NPR3: variants seen among roughly 807,000 people sequenced by gnomAD.
NPR3 encodes natriuretic peptide receptor 3.
A neutral mutation model predicts 54.5 loss-of-function variants in NPR3; 34 were observed. The ratio of observed to expected loss-of-function variants is 0.62; its 90% CI spans 0.47 to 0.83. The LOEUF (loss-of-function observed/expected upper bound fraction) is 0.83. Among genes scored for constraint, NPR3 ranks in the 40% least tolerant of loss-of-function variants. The pLI is 0.00. For synonymous variants in NPR3, 289 were observed against 297.1 expected, an observed-to-expected ratio of 0.97 and a Z score of 0.28; for missense variants, 674 against 720.8, an observed-to-expected ratio of 0.94 and a Z score of 0.74.
intron 1 of NPR3, among the ~76,000 whole-genome samples, chr5:32,714,330 C>G (rs956951409): frequency 1.3e-5 from 2 of 151,708 alleles, no homozygotes; most frequent in African/African-American, 4.8e-5. Context: ...CAGATCGCGG[C>G]CCCGGGGCCC....
chr5:32,769,547 T>G (rs1741644279), intron 3 of NPR3, among the ~76,000 whole-genome samples: 1 of 152,180 alleles, frequency 6.6e-6, no homozygotes, highest in Non-Finnish European at 1.5e-5. Context: ...AGGCATGTCT[T>G]TTGCAAGAGA....
intron 1 of NPR3, among the ~76,000 whole-genome samples, chr5:32,713,944 C>A (rs1057123238): frequency 2.0e-5 from 3 of 152,176 alleles, no homozygotes; most frequent in Non-Finnish European, 4.4e-5. Flanking sequence ...CAGGCTTTGC[C>A]GATTATGAAA....
At chr5:32,717,217 G>A (rs1187379395) in intron 1 of NPR3, among the ~76,000 whole-genome samples, 1 of 152,150 alleles carries the variant, frequency 6.6e-6, no homozygotes, top group Non-Finnish European at 1.5e-5. Context: ...ATTCCATGAT[G>A]TATATGTGCC....
chr5:32,723,248 C>G (rs533919694), intron 1 of NPR3, among the ~76,000 whole-genome samples: 1 of 152,144 alleles, frequency 6.6e-6, no homozygotes, highest in East Asian at 1.9e-4. Context: ...ACAGTGGTAC[C>G]GGTCATGGAG....
rs755644950 is a variant in NPR3 at position 32,724,794 on chromosome 5, T to C, written c.866T>C (p.Ile289Thr). 9 of 1,613,846 alleles carry C rather than the reference T, an allele frequency of 5.6e-6. No individual in the cohort carries two copies. In the East Asian group the frequency reaches 8.9e-5, roughly 16 times the overall value. ...MTSGDYAFFN[I>T]ELFNSSSYGD... ...AGTGGAGACTACGCCTTCTTCAACA[T>C]TGAGCTCTTCAACAGCTCTTCCTAT... is the stretch of plus-strand genomic sequence containing the variant. Residue 289 changes from isoleucine (I) to threonine (T), a missense_variant, in exon 2 of 8, where the codon ATT (isoleucine) becomes ACT (threonine). Transcript: ENST00000265074.
At chr5:32,765,316 C>A (rs940468940) in intron 3 of NPR3, among the ~76,000 whole-genome samples, 3 of 152,192 alleles carry the variant, frequency 2.0e-5, no homozygotes, top group African/African-American at 7.2e-5. Flanking sequence ...CAATTAATTT[C>A]ATCACAGGGG....
rs1379461957 is a variant in NPR3 at position 32,774,724 on chromosome 5, A to G, written c.1076A>G (p.Glu359Gly). 2.5e-6 allele frequency: 4 copies of G among 1,611,744 alleles called. No individual in the cohort carries two copies. The highest frequency in any genetic ancestry group is 3.4e-6 in the Non-Finnish European group (4 of 1,177,828). ...NMEDYVNMFV[E>G]GFHDAILLYV... ...TCTTTTCAGGTTAACATGTTTGTTG[A>G]AGGATTCCACGATGCCATCCTCCTC... The change falls in exon 4 of 8, where the codon GAA (glutamate) becomes GGA (glycine). Residue 359 changes from glutamate (E) to glycine (G), a missense_variant. Transcript: ENST00000265074.
chr5:32,731,057 T>C (rs188546314), intron 2 of NPR3, among the ~76,000 whole-genome samples: 17 of 152,358 alleles, frequency 1.1e-4, no homozygotes, highest in Admixed American at 1.1e-3. Context: ...AGATTGAGTT[T>C]ATGTATTTTG....
intron 2 of NPR3, among the ~76,000 whole-genome samples, chr5:32,737,145 G>C (rs1359818454): frequency 6.6e-6 from 1 of 152,146 alleles, no homozygotes; most frequent in Non-Finnish European, 1.5e-5. Context: ...TGTTCACACA[G>C]TTAGGACCTT....
chr5:32,754,733 A>G (rs1023192898), intron 3 of NPR3, among the ~76,000 whole-genome samples: 1 of 152,242 alleles, frequency 6.6e-6, no homozygotes, highest in East Asian at 1.9e-4. Context: ...ATAATAAACA[A>G]TATGACTATT....
chr5:32,711,249 C>T (rs1400041288), upstream of NPR3: 11 of 912,274 alleles, frequency 1.2e-5, no homozygotes, highest in South Asian at 4.1e-4. Context: ...AGCCCGGCCT[C>T]GGCGCGCCAT....
intron 1 of NPR3, among the ~76,000 whole-genome samples, chr5:32,714,952 G>C (rs1392973804): frequency 6.6e-6 from 1 of 152,184 alleles, no homozygotes; most frequent in East Asian, 1.9e-4. Context: ...GAGCACCCAC[G>C]TCTTTGGGAA....
At chr5:32,774,094 G>A (rs895242989) in intron 3 of NPR3, among the ~76,000 whole-genome samples, 3 of 152,212 alleles carry the variant, frequency 2.0e-5, no homozygotes, top group Non-Finnish European at 4.4e-5. Context: ...GGGATAGGGA[G>A]TGGTTAGATG....
Position 32,712,282 on chromosome 5 carries a change from C to CT in NPR3, c.507dup (p.Glu170Ter). ...GCCGCTGGCTTCCAGCACAAGGACT[C>CT]TGAGTACTCGCACCTCACGCGCGTG... On this transcript the variant is annotated frameshift_variant, in exon 1 of 8. Transcript: ENST00000265074. LOFTEE classifies it high-confidence loss of function. 6.2e-7 allele frequency: 1 copy of CT among 1,613,120 alleles called. No homozygotes were observed. The highest frequency in any genetic ancestry group is 1.1e-5 in the South Asian group (1 of 91,072).
At chr5:32,774,229 C>T (rs1261596549) in intron 3 of NPR3, among the ~76,000 whole-genome samples, 1 of 152,214 alleles carries the variant, frequency 6.6e-6, no homozygotes, top group Non-Finnish European at 1.5e-5. Context: ...AGCACCAGCA[C>T]TCTAGTAGAT....
rs192472107 is a variant in NPR3 at position 32,713,392 on chromosome 5, C to A, written c.769+847C>A. 24 of 985,430 alleles carry A rather than the reference C, an allele frequency of 2.4e-5. No homozygotes were observed. The Admixed American group carries it at 1.2e-3, about 48-fold the overall frequency. 61.0% of individuals were successfully genotyped at this position (985,430 alleles called of 1,614,324 possible). On this transcript the variant is annotated intron_variant, in intron 1 of 7. Transcript: ENST00000265074. ...GGATGGTGGCTATGGCTTCGGGGAG[C>A]GGGGGGACGCGGACGTGTAATCGCC... is the stretch of plus-strand genomic sequence containing the variant.
intron 1 of NPR3, among the ~76,000 whole-genome samples, chr5:32,697,932 C>G (rs1387570286): frequency 6.6e-6 from 1 of 151,854 alleles, no homozygotes; most frequent in Non-Finnish European, 1.5e-5. Context: ...TTTCAAAACA[C>G]CAACTTTTCA....
At position 32,712,468 on chromosome 5, in the gene NPR3, C is replaced by G; in HGVS notation, c.692C>G (p.Thr231Arg). 6.3e-7 allele frequency: 1 copy of G among 1,599,424 alleles called. No individual in the cohort carries two copies. The highest frequency in any genetic ancestry group is 8.5e-7 in the Non-Finnish European group (1 of 1,174,676). The change falls in exon 1 of 8, where the codon ACG becomes AGG. Residue 231 changes from threonine (T) to arginine (R), a missense_variant. Physicochemically the swap from Thr to Arg is moderately conservative, Grantham distance 71. Transcript: ENST00000265074. The part of the protein sequence containing the change: ...HEVFQEEGLH[T>R]SIYSFDETKD... ...GTCTTCCAGGAGGAGGGTTTGCACACGTCCATCTACAGTTTCGACGAGACC... is the reference window on the plus strand; with the variant it reads ...GTCTTCCAGGAGGAGGGTTTGCACAGGTCCATCTACAGTTTCGACGAGACC...
At chr5:32,727,280 C>A (rs1739186541) in intron 2 of NPR3, among the ~76,000 whole-genome samples, 1 of 152,042 alleles carries the variant, frequency 6.6e-6, no homozygotes, top group Admixed American at 6.6e-5. Context: ...GCATGTGCCA[C>A]CATGCCTGGT....
Sources: allele counts gnomAD v4.1 joint callset (sites outside exome capture counted in the v4.1 genomes callset), GRCh38; gene constraint gnomAD v4.1.1; transcripts MANE v1.5; gene names NCBI Gene and HGNC (gene_info 2026-07-23, HGNC 2026-07-21).